Variants in SYT14 observed in about 807,000 individuals in gnomAD.
SYT14 encodes the protein synaptotagmin 14.
In SYT14, 32 loss-of-function variants were observed where a neutral mutation model predicts 74.2. The observed-to-expected ratio is 0.43, with a 90% CI of 0.33 to 0.58. The LOEUF (loss-of-function observed/expected upper bound fraction) is 0.58, where lower values mean the gene tolerates loss of function less well. Ranked by LOEUF, SYT14 falls within the 20% of genes least tolerant of loss-of-function variation. SYT14 has a pLI of 0.05. For missense variants in SYT14, 791 were observed against 981.8 expected (o/e 0.81, Z 2.60); for synonymous variants, 298 against 337.7 (o/e 0.88, Z 1.29).
Position 210,039,794 on chromosome 1 carries a change from C to T in SYT14, c.1312+18540C>T, listed in dbSNP as rs990484750. Among the ~76,000 whole-genome samples, 11 of 152,190 alleles carry T rather than the reference C, an allele frequency of 7.2e-5. No individual in the cohort carries two copies. In the East Asian group the frequency reaches 1.7e-3, roughly 24 times the overall value. The stretch of plus-strand genomic sequence containing the variant: ...ATATGCAAAAAAGCTCATCATCACT[C>T]GTTATTAGAGAAATGCAAATCAAAA... On this transcript the variant is annotated intron_variant, in intron 5 of 9. Coordinates refer to ENST00000637265, the Ensembl canonical transcript of SYT14.
At chr1:209,939,460 G>C (rs1343491333) in intron 1 of SYT14, among the ~76,000 whole-genome samples, 2 of 152,176 alleles carry the variant, frequency 1.3e-5, no homozygotes, top group African/African-American at 4.8e-5. Flanking sequence ...TTTACATGTA[G>C]CTTATTTATT....
At chr1:210,107,897 TTC>T (rs886150520) in intron 7 of SYT14, among the ~76,000 whole-genome samples, 1 of 152,174 alleles carries the variant, frequency 6.6e-6, no homozygotes, top group Non-Finnish European at 1.5e-5. Flanking sequence ...CTTTGTTTAT[TTC>T]TGTCTTTGTT....
chr1:209,995,332 C>T (rs1368890385), intron 2 of SYT14, among the ~76,000 whole-genome samples: 3 of 152,094 alleles, frequency 2.0e-5, no homozygotes, highest in Non-Finnish European at 4.4e-5. Context: ...GAGCAGAAGT[C>T]ACTATTCTTA....
chr1:210,077,277 A>G (rs1216172354), intron 5 of SYT14, among the ~76,000 whole-genome samples: 1 of 152,082 alleles, frequency 6.6e-6, no homozygotes, highest in Non-Finnish European at 1.5e-5. Flanking sequence ...TAAAACAACC[A>G]GGTCTCAGGA....
intron 7 of SYT14, among the ~76,000 whole-genome samples, chr1:210,112,327 C>T: frequency 6.6e-6 from 1 of 151,360 alleles, no homozygotes; most frequent in South Asian, 2.1e-4. Context: ...AGATGGAACA[C>T]TGAGAAGTGA....
At chr1:210,082,983 T>A (rs561618574) in intron 5 of SYT14, among the ~76,000 whole-genome samples, 123 of 152,158 alleles carry the variant, frequency 8.1e-4, no homozygotes, top group Non-Finnish European at 1.4e-3. Context: ...TATTTCTTTT[T>A]TTTTTTTCTT....
intron 2 of SYT14, among the ~76,000 whole-genome samples, chr1:209,977,281 G>A (rs1314968533): frequency 2.0e-5 from 3 of 152,154 alleles, no homozygotes; most frequent in East Asian, 1.9e-4. Flanking sequence ...CTCGTTAGTT[G>A]ATGCAGTTTC....
chr1:210,073,913 A>G (rs988803334), intron 5 of SYT14, among the ~76,000 whole-genome samples: 1 of 123,138 alleles, frequency 8.1e-6, no homozygotes, highest in African/African-American at 3.8e-5. Flanking sequence ...CAAAGCTTTA[A>G]TTTGGTATAT....
At chr1:210,125,407 A>G (rs762238254) in intron 7 of SYT14, among the ~76,000 whole-genome samples, 7 of 152,184 alleles carry the variant, frequency 4.6e-5, no homozygotes, top group Non-Finnish European at 7.4e-5. Context: ...TTTTAGGGCT[A>G]TGGTATTCCA....
chr1:210,094,807 A>G (rs2081941128), intron 6 of SYT14, among the ~76,000 whole-genome samples: 1 of 151,334 alleles, frequency 6.6e-6, no homozygotes, highest in Non-Finnish European at 1.5e-5. Flanking sequence ...CCCAAGCCCC[A>G]CCACCAAAAG....
At chr1:210,163,794 T>G (rs1326411264) in exon 10 of SYT14, 1 of 453,846 alleles carries the variant, frequency 2.2e-6, no homozygotes, top group Non-Finnish European at 4.4e-6. Flanking sequence ...TACGAGACAG[T>G]ACTACTGCTT....
At chr1:210,129,164 A>G (rs2082626669) in intron 7 of SYT14, among the ~76,000 whole-genome samples, 1 of 152,212 alleles carries the variant, frequency 6.6e-6, no homozygotes, top group East Asian at 1.9e-4. Context: ...TGCATCAGTT[A>G]AGATTCTGTC....
intron 1 of SYT14, among the ~76,000 whole-genome samples, chr1:209,939,738 A>G (rs2078699697): frequency 6.6e-6 from 1 of 152,240 alleles, no homozygotes; most frequent in South Asian, 2.1e-4. Context: ...CTACCACACT[A>G]CCACACTACC....
At chr1:210,074,611 T>C (rs2081455994) in intron 5 of SYT14, among the ~76,000 whole-genome samples, 1 of 152,208 alleles carries the variant, frequency 6.6e-6, no homozygotes, top group African/African-American at 2.4e-5. Context: ...ATTCTGTAAA[T>C]TCTTTACTGT....
At chr1:210,030,267 G>A (rs1204627058) in intron 5 of SYT14, among the ~76,000 whole-genome samples, 3 of 151,732 alleles carry the variant, frequency 2.0e-5, no homozygotes, top group African/African-American at 7.3e-5. Context: ...TCAGCCTCCC[G>A]AGTAGCTGGG....
At chr1:210,159,462 G>A (rs1032512518) in exon 9 of SYT14, 1 of 1,551,420 alleles carries the variant, frequency 6.4e-7, no homozygotes, top group Admixed American at 2.0e-5. Context: ...AGGTGGACAG[G>A]TTTATATAAT....
At chr1:210,010,742 C>A (rs563812879) in intron 2 of SYT14, among the ~76,000 whole-genome samples, 16 of 151,984 alleles carry the variant, frequency 1.1e-4, no homozygotes, top group Non-Finnish European at 2.1e-4. Flanking sequence ...TAGAAAGAGG[C>A]AAGAAGAGGA....
intron 7 of SYT14, among the ~76,000 whole-genome samples, chr1:210,106,204 AT>A (rs2082155107): frequency 6.6e-6 from 1 of 152,154 alleles, no homozygotes; most frequent in Admixed American, 6.5e-5. Context: ...CTTGGGATTC[AT>A]ACTTGTAAAA....
At chr1:210,109,982 C>A (rs577406737) in intron 7 of SYT14, among the ~76,000 whole-genome samples, 1 of 152,230 alleles carries the variant, frequency 6.6e-6, no homozygotes, top group East Asian at 1.9e-4. Context: ...ATGGATGAAG[C>A]TGGAAACCAT....
Sources: allele counts gnomAD v4.1 joint callset (sites outside exome capture counted in the v4.1 genomes callset), GRCh38; gene constraint gnomAD v4.1.1; transcripts MANE v1.5; gene names NCBI Gene and HGNC (gene_info 2026-07-23, HGNC 2026-07-21).